BAZ2B: variants seen among roughly 807,000 people sequenced by gnomAD.
BAZ2B encodes the protein bromodomain adjacent to zinc finger domain protein 2B.
Under a neutral mutation model 246.0 loss-of-function variants are expected in BAZ2B, and 91 were observed. The ratio of observed to expected loss-of-function variants is 0.37; its 90% confidence interval spans 0.31 to 0.44. The LOEUF (loss-of-function observed/expected upper bound fraction) is 0.44, where lower values mean the gene tolerates loss of function less well. Among genes scored for constraint, BAZ2B ranks in the 20% least tolerant of loss-of-function variants. BAZ2B has a pLI of 1.00. For synonymous variants in BAZ2B, 855 were observed against 860.0 expected (o/e 0.99, Z 0.10); for missense variants, 2,332 against 2,533.7 (o/e 0.92, Z 1.71).
chr2:159,360,830 G>C (rs2059612220), intron 27 of BAZ2B, among the ~76,000 whole-genome samples: 1 of 152,188 alleles, frequency 6.6e-6, no homozygotes, highest in South Asian at 2.1e-4. Context: ...TGACAAACCT[G>C]AGAAAAACAA....
At chr2:159,701,571 T>C in the BAZ2B span, among the ~76,000 whole-genome samples, 1 of 150,224 alleles carries the variant, frequency 6.7e-6, no homozygotes, top group African/African-American at 2.4e-5. Context: ...CAATGTATTT[T>C]TTAATAGTTG....
chr2:159,516,552 A>G (rs756370495), intron 2 of BAZ2B: 6 of 152,592 alleles, frequency 3.9e-5, no homozygotes, highest in Non-Finnish European at 8.8e-5. Context: ...AGTTACTCAC[A>G]AAACATGGCT....
chr2:159,639,696 A>G, the BAZ2B span, among the ~76,000 whole-genome samples: 1 of 152,164 alleles, frequency 6.6e-6, no homozygotes, highest in Non-Finnish European at 1.5e-5. Flanking sequence ...CAATGGATGC[A>G]CAAAAAATAA....
chr2:159,415,219 G>A (rs1393850757), intron 13 of BAZ2B, among the ~76,000 whole-genome samples: 2 of 151,908 alleles, frequency 1.3e-5, no homozygotes, highest in African/African-American at 4.8e-5. Flanking sequence ...GGCTAAGGCG[G>A]GCAGATCAAA....
chr2:159,639,910 T>G, the BAZ2B span, among the ~76,000 whole-genome samples: 1 of 152,010 alleles, frequency 6.6e-6, no homozygotes, highest in East Asian at 1.9e-4. Flanking sequence ...ACAGAGTAGC[T>G]GAATGGATTA....
chr2:159,390,330 AT>A (rs2063179857), intron 20 of BAZ2B, among the ~76,000 whole-genome samples: 1 of 151,568 alleles, frequency 6.6e-6, no homozygotes, highest in Non-Finnish European at 1.5e-5. Context: ...TACCTCTCAT[AT>A]TTTTTTCTGT....
intron 1 of BAZ2B, among the ~76,000 whole-genome samples, chr2:159,563,929 T>C (rs950822854): frequency 6.6e-6 from 1 of 152,238 alleles, no homozygotes; most frequent in Non-Finnish European, 1.5e-5. Flanking sequence ...AATTCTTTTG[T>C]TCATTCAGTA....
chr2:159,396,777 G>A (rs562840702), intron 19 of BAZ2B, among the ~76,000 whole-genome samples: 1 of 152,052 alleles, frequency 6.6e-6, no homozygotes, highest in East Asian at 1.9e-4. Context: ...GGGAGAATAC[G>A]GGTCATAATT....
chr2:159,318,190 C>T (rs960911021), downstream of BAZ2B, among the ~76,000 whole-genome samples: 3 of 152,102 alleles, frequency 2.0e-5, no homozygotes, highest in Non-Finnish European at 4.4e-5. Context: ...TGAAGAATCC[C>T]CATGGAGCAT....
chr2:159,518,159 T>C (rs779292611), intron 2 of BAZ2B, among the ~76,000 whole-genome samples: 15 of 152,324 alleles, frequency 9.8e-5, no homozygotes, highest in Non-Finnish European at 1.8e-4. Context: ...CTATAATGTG[T>C]CAAATTTAGA....
At chr2:159,388,228 A>G (rs1343114587) in intron 21 of BAZ2B, among the ~76,000 whole-genome samples, 1 of 152,104 alleles carries the variant, frequency 6.6e-6, no homozygotes, top group African/African-American at 2.4e-5. Context: ...TATCCTACTA[A>G]TTAAGTATAA....
chr2:159,407,050 G>A (rs933545427), intron 14 of BAZ2B, among the ~76,000 whole-genome samples: 5 of 151,736 alleles, frequency 3.3e-5, no homozygotes, highest in Non-Finnish European at 7.4e-5. Context: ...CAGCGTGCCC[G>A]GCCTGTTGTG....
chr2:159,330,301 C>T (rs1270265059), intron 34 of BAZ2B, among the ~76,000 whole-genome samples: 3 of 152,114 alleles, frequency 2.0e-5, no homozygotes, highest in Non-Finnish European at 2.9e-5. Context: ...AAAGCACTCC[C>T]ATGTTTACAG....
rs749083516 is a variant in BAZ2B at position 159,453,778 on chromosome 2, C to G, written c.169G>C (p.Asp57His). The G allele has an allele frequency of 1.9e-6, 3 of 1,607,706 alleles. No individual in the cohort carries two copies. The highest frequency in any genetic ancestry group is 2.5e-6 in the Non-Finnish European group (3 of 1,176,902). Residue 57 changes from aspartate (D) to histidine (H), a missense_variant, in exon 4 of 37, where the codon GAT becomes CAT. By Grantham distance (81) the Asp-to-His change is moderately conservative. This residue lies in a region of BAZ2B where 242 missense variants were observed against 237.4 expected (regional missense o/e 1.02). Transcript: ENST00000392783. ...PCGHLFRTAG[D>H]QPFNLSTVSS... ...ACTGTGGACAGGTTAAACGGTTGATCCCCAGCTGTTCTGAATAAATGTCCT... is the reference window on the plus strand; with the variant it reads ...ACTGTGGACAGGTTAAACGGTTGATGCCCAGCTGTTCTGAATAAATGTCCT...
At chr2:159,402,024 T>C (rs2149761521) in intron 16 of BAZ2B, among the ~76,000 whole-genome samples, 1 of 152,342 alleles carries the variant, frequency 6.6e-6, no homozygotes, top group African/African-American at 2.4e-5. Flanking sequence ...ATTGATTCCC[T>C]GCAGGATTCT....
chr2:159,348,568 T>C, intron 30 of BAZ2B, 110 bp downstream of exon 30: 1 of 1,279,670 alleles, frequency 7.8e-7, no homozygotes, highest in Non-Finnish European at 1.0e-6. Flanking sequence ...TCCATAGATG[T>C]GGAACCCATG....
chr2:159,626,542 T>A, the BAZ2B span, among the ~76,000 whole-genome samples: 1 of 152,066 alleles, frequency 6.6e-6, no homozygotes, highest in African/African-American at 2.4e-5. Context: ...CACAACTACA[T>A]GGAAACTGAA....
intron 3 of BAZ2B, among the ~76,000 whole-genome samples, chr2:159,475,087 T>C (rs2078345459): frequency 6.6e-6 from 1 of 152,198 alleles, no homozygotes. Flanking sequence ...TTCCTGAATT[T>C]GAATGTTGGC....
chr2:159,601,460 C>T (rs897685357), intron 1 of BAZ2B, among the ~76,000 whole-genome samples: 37 of 149,598 alleles, frequency 2.5e-4, no homozygotes, highest in Admixed American at 2.1e-3. Context: ...CGGTGGCTCA[C>T]GCCTGTAATC....
Sources: allele counts gnomAD v4.1 joint callset (sites outside exome capture counted in the v4.1 genomes callset), GRCh38; gene constraint gnomAD v4.1.1; regional missense constraint gnomAD v4.1.1; transcripts MANE v1.5; gene names NCBI Gene and HGNC (gene_info 2026-07-23, HGNC 2026-07-21).